The following NXPH2 variants were observed in gnomAD, a reference collection of about 807,000 sequenced individuals.
The protein encoded by NXPH2 is neurexophilin 2.
NXPH2 carries 5 observed loss-of-function variants against 19.8 expected under a neutral mutation model. The observed-to-expected ratio is 0.25, with a 90% CI of 0.13 to 0.53. The LOEUF is 0.53. NXPH2 is among the 20% of genes least tolerant of loss of function. The pLI, the probability that NXPH2 is intolerant of heterozygous loss-of-function variation, is 0.96. For missense variants in NXPH2, 289 were observed against 322.8 expected (o/e 0.90, Z 0.80); for synonymous variants, 154 against 127.4 (o/e 1.21, Z -1.41).
At chr2:138,718,916 T>G (rs1018683283) in intron 1 of NXPH2, among the ~76,000 whole-genome samples, 7 of 151,760 alleles carry the variant, frequency 4.6e-5, no homozygotes, top group Admixed American at 4.6e-4. Flanking sequence ...CTCACTAGAG[T>G]GTAGAATTTC....
chr2:138,766,919 T>C (rs1371700492), intron 1 of NXPH2, among the ~76,000 whole-genome samples: 1 of 152,212 alleles, frequency 6.6e-6, no homozygotes, highest in African/African-American at 2.4e-5. Context: ...GTTGATTGTG[T>C]CATTTTTAAT....
chr2:138,758,388 T>C (rs1264276332), intron 1 of NXPH2, among the ~76,000 whole-genome samples: 1 of 152,176 alleles, frequency 6.6e-6, no homozygotes, highest in South Asian at 2.1e-4. Context: ...AGTCTAAGCA[T>C]AACTGAAAGT....
chr2:138,732,783 C>G (rs1380794416), intron 1 of NXPH2, among the ~76,000 whole-genome samples: 1 of 152,102 alleles, frequency 6.6e-6, no homozygotes, highest in Non-Finnish European at 1.5e-5. Flanking sequence ...TAACACTGTA[C>G]CTCTTCCTGG....
intron 1 of NXPH2, among the ~76,000 whole-genome samples, chr2:138,743,346 A>T (rs927976786): frequency 6.6e-6 from 1 of 152,250 alleles, no homozygotes; most frequent in Admixed American, 6.5e-5. Flanking sequence ...CTATTCAGTT[A>T]TTTTTAAAAT....
chr2:138,705,687 C>G (rs979220099), intron 1 of NXPH2, among the ~76,000 whole-genome samples: 1 of 152,194 alleles, frequency 6.6e-6, no homozygotes, highest in Admixed American at 6.5e-5. Flanking sequence ...TCTTTAAATT[C>G]TCTGTTAAAA....
intron 1 of NXPH2, among the ~76,000 whole-genome samples, chr2:138,709,704 A>G (rs1464127348): frequency 1.3e-5 from 2 of 152,144 alleles, no homozygotes; most frequent in Non-Finnish European, 2.9e-5. Flanking sequence ...CCAACCCCTA[A>G]TTCTTTTACT....
intron 1 of NXPH2, among the ~76,000 whole-genome samples, chr2:138,685,386 A>T (rs558991262): frequency 1.3e-5 from 2 of 152,288 alleles, no homozygotes; most frequent in Non-Finnish European, 2.9e-5. Context: ...TCATGTGTAA[A>T]TATCTTACTT....
At chr2:138,741,353 CGAG>C (rs1408967206) in intron 1 of NXPH2, among the ~76,000 whole-genome samples, 2 of 152,196 alleles carry the variant, frequency 1.3e-5, no homozygotes, top group Non-Finnish European at 2.9e-5. Context: ...CACTTAGACA[CGAG>C]GAGCTCAGAA....
chr2:138,778,726 C>A (rs1682304547), intron 1 of NXPH2, among the ~76,000 whole-genome samples: 1 of 152,134 alleles, frequency 6.6e-6, no homozygotes, highest in Admixed American at 6.6e-5. Context: ...AGAATCCAGA[C>A]TAAAAAATTT....
intron 1 of NXPH2, among the ~76,000 whole-genome samples, chr2:138,682,664 C>A (rs529472384): frequency 6.6e-6 from 1 of 152,096 alleles, no homozygotes. Context: ...CTACCCTTTA[C>A]GTTATTCTAA....
At chr2:138,773,930 T>C (rs1435433653) in intron 1 of NXPH2, among the ~76,000 whole-genome samples, 1 of 152,220 alleles carries the variant, frequency 6.6e-6, no homozygotes, top group Non-Finnish European at 1.5e-5. Context: ...ATTGGCAATT[T>C]TCTCCATCTT....
intron 1 of NXPH2, among the ~76,000 whole-genome samples, chr2:138,723,821 T>C (rs1681316173): frequency 6.6e-6 from 1 of 152,182 alleles, no homozygotes. Context: ...TTCCAGGCTT[T>C]TTGGCCTCCC....
At position 138,701,395 on chromosome 2, in the gene NXPH2, G is replaced by C. The variant is rs542117166; in HGVS notation, c.52-29730C>G. On this transcript the variant is annotated intron_variant, in intron 1 of 1. Coordinates refer to ENST00000272641, the MANE Select transcript of NXPH2 (RefSeq NM_007226.3). The stretch of plus-strand genomic sequence containing the variant: ...CAGAGCGGGTTTTAGAAAAGAAATA[G>C]GAATACAAAGATGGATAGGAAGGAA... 2.0e-5 allele frequency among the ~76,000 whole-genome samples: 3 copies of C among 152,178 alleles called. No homozygotes were observed. The South Asian group carries it at 6.2e-4, about 32-fold the overall frequency.
rs142127414 is a variant in NXPH2, at chr2:138,673,225, C to T, written c.52-1560G>A. On this transcript the variant is annotated intron_variant, in intron 1 of 1. Coordinates refer to ENST00000272641, the MANE Select transcript of NXPH2 (RefSeq NM_007226.3). ...AATCCATATGGCCTCTTCTTAGGGG[C>T]TTATACACCCTGAATTGATACTCCT... Among the ~76,000 whole-genome samples, 784 of 152,186 alleles carry T rather than the reference C, an allele frequency of 5.2e-3. 8 individuals carry two copies. Among genetic ancestry groups the T allele is most frequent in the African/African-American group, 0.018 (736 of 41,508 alleles).
At chr2:138,772,917 C>T (rs956055928) in intron 1 of NXPH2, among the ~76,000 whole-genome samples, 1 of 152,206 alleles carries the variant, frequency 6.6e-6, no homozygotes, top group Admixed American at 6.5e-5. Flanking sequence ...GATGCAATAA[C>T]TATCATTCTA....
intron 1 of NXPH2, among the ~76,000 whole-genome samples, chr2:138,701,992 G>C (rs1680930410): frequency 6.6e-6 from 1 of 152,124 alleles, no homozygotes; most frequent in South Asian, 2.1e-4. Context: ...GGCAAAGCTA[G>C]TGTGGAGGAA....
intron 1 of NXPH2, among the ~76,000 whole-genome samples, chr2:138,758,424 G>A (rs1027848369): frequency 3.3e-5 from 5 of 152,000 alleles, no homozygotes; most frequent in Admixed American, 6.6e-5. Context: ...TTATTTACAG[G>A]GAAGTAATTG....
At chr2:138,761,357 TG>T (rs1682012670) in intron 1 of NXPH2, among the ~76,000 whole-genome samples, 1 of 152,204 alleles carries the variant, frequency 6.6e-6, no homozygotes, top group Non-Finnish European at 1.5e-5. Flanking sequence ...GGGGCAAATC[TG>T]ATGACCATTT....
intron 1 of NXPH2, among the ~76,000 whole-genome samples, chr2:138,705,172 C>T (rs1440032359): frequency 1.3e-5 from 2 of 152,002 alleles, no homozygotes; most frequent in East Asian, 3.9e-4. Context: ...ATACGTTGCT[C>T]AGGCTGGTCT....
Sources: allele counts gnomAD v4.1 joint callset (sites outside exome capture counted in the v4.1 genomes callset), GRCh38; gene constraint gnomAD v4.1.1; transcripts MANE v1.5; gene names NCBI Gene and HGNC (gene_info 2026-07-23, HGNC 2026-07-21).